KANSL1: variants seen among roughly 807,000 people sequenced by gnomAD.
KANSL1 encodes MLL1/MLL complex subunit KANSL1.
In KANSL1, 22 loss-of-function variants were observed where a neutral mutation model predicts 103.6. The observed-to-expected ratio is 0.21, with a 90% CI of 0.15 to 0.30. KANSL1 has a LOEUF of 0.30. Among genes scored for constraint, KANSL1 ranks in the 10% least tolerant of loss-of-function variants. KANSL1 has a pLI of 1.00. For synonymous variants in KANSL1, 600 were observed against 527.6 expected, an observed-to-expected ratio of 1.14 and a Z score of -1.88; for missense variants, 1,337 against 1,399.8, an observed-to-expected ratio of 0.96 and a Z score of 0.72.
chr17:46,080,706 C>A (rs890289648), intron 4 of KANSL1, among the ~76,000 whole-genome samples: 2 of 151,354 alleles, frequency 1.3e-5, no homozygotes, highest in Admixed American at 1.3e-4. Flanking sequence ...CTGCTCCCCC[C>A]ACCCCACCCC....
At chr17:46,104,142 T>G (rs62061814) in intron 2 of KANSL1, among the ~76,000 whole-genome samples, 21,655 of 152,048 alleles carry the variant, frequency 0.14, 2,114 homozygotes, top group Non-Finnish European at 0.22. Context: ...GATTGAGATA[T>G]GTTTTAAAAT....
intron 6 of KANSL1, among the ~76,000 whole-genome samples, chr17:46,065,194 C>G (rs2078333832): frequency 1.3e-5 from 2 of 151,562 alleles, no homozygotes; most frequent in Admixed American, 6.6e-5. Flanking sequence ...GTCTCAAACT[C>G]CTGAACGCAA....
At chr17:46,140,253 A>C (rs2044353442) in intron 2 of KANSL1, among the ~76,000 whole-genome samples, 1 of 152,234 alleles carries the variant, frequency 6.6e-6, no homozygotes. Context: ...AGCTGCAAAT[A>C]AGTTTCCACA....
Position 46,032,184 on chromosome 17 carries a change from G to T in KANSL1, c.2953C>A (p.His985Asn). 1.2e-6 allele frequency: 2 copies of T among 1,611,300 alleles called. No individual in the cohort carries two copies. Among genetic ancestry groups the T allele is most frequent in the South Asian group, 2.2e-5 (2 of 90,886 alleles). Residue 985 changes from histidine to asparagine, a missense_variant, in exon 14 of 15, where the codon CAT becomes AAT. Transcript: ENST00000432791. ...ATGGGGCTCCTAGGGGACTGACCAT[G>T]GGAGTATTCTGACAAAGAGTGGCTA... ...SSSHSLSEYS[H>N]GQSPRSPISP...
intron 1 of KANSL1, among the ~76,000 whole-genome samples, chr17:46,210,956 G>A (rs1446158554): frequency 6.6e-6 from 1 of 152,122 alleles, no homozygotes. Flanking sequence ...AATTCCAGAA[G>A]GGCACGCTTC....
chr17:46,094,693 C>G lies in KANSL1; in HGVS notation c.1298G>C (p.Arg433Thr). 6.2e-7 allele frequency: 1 copy of G among 1,614,130 alleles called. No homozygotes were observed. The highest frequency in any genetic ancestry group is 8.5e-7 in the Non-Finnish European group (1 of 1,180,038). The change falls in exon 3 of 15, where the codon AGG becomes ACG. Residue 433 changes from arginine to threonine, a missense_variant. Around this residue, in one of 2 missense-constraint regions of KANSL1, gnomAD observed 780 missense variants for 923.4 expected, o/e 0.84. Transcript: ENST00000432791. Reference sequence around the variant, plus strand: ...GTCTGCAGCCCATTTCCATTCTGACCTGCGTCTCCTAAAAGGAAATAAACT... The same window carrying G: ...GTCTGCAGCCCATTTCCATTCTGACGTGCGTCTCCTAAAAGGAAATAAACT... ...PEQRHVPLRR[R>T]SEWKWAADRA...
chr17:46,155,567 G>A (rs891484380), intron 2 of KANSL1, among the ~76,000 whole-genome samples: 2 of 152,176 alleles, frequency 1.3e-5, no homozygotes, highest in Non-Finnish European at 2.9e-5. Flanking sequence ...TGGCATTTAG[G>A]GGGTAGAGGC....
At chr17:46,189,820 T>A (rs1301708749) in intron 1 of KANSL1, among the ~76,000 whole-genome samples, 1 of 149,782 alleles carries the variant, frequency 6.7e-6, no homozygotes, top group Non-Finnish European at 1.5e-5. Context: ...GGCACGAGAA[T>A]CGCTTGAACC....
intron 2 of KANSL1, among the ~76,000 whole-genome samples, chr17:46,165,796 C>A (rs2045966176): frequency 6.6e-6 from 1 of 152,016 alleles, no homozygotes; most frequent in Non-Finnish European, 1.5e-5. Context: ...CAGACATGAG[C>A]CACCAAGCCA....
rs1441796339 is a variant in KANSL1 at position 46,040,143 on chromosome 17, T to C, written c.2021-259A>G. The stretch of plus-strand genomic sequence containing the variant: ...TTTTTGGTTTGGTTGATGGAGTTTT[T>C]GTTCTTGTATCCTTGTTTGTTGAAT... On this transcript the variant is annotated intron_variant, in intron 7 of 14. Coordinates refer to ENST00000432791, the MANE Select transcript of KANSL1 (RefSeq NM_015443.4). 3 of 421,938 alleles carry C rather than the reference T, an allele frequency of 7.1e-6. No homozygotes were observed. In the Admixed American group the frequency reaches 1.2e-4, roughly 17 times the overall value. 26.1% of individuals were successfully genotyped at this position (421,938 alleles called of 1,614,324 possible). A position where few individuals can be genotyped will look rare whatever the true frequency, so the allele number is the denominator to read the frequency against.
Position 46,031,146 on chromosome 17 carries a change from G to C in KANSL1, c.*330C>G. The C allele has an allele frequency of 5.1e-6, 2 of 391,258 alleles. No homozygotes were observed. The highest frequency in any genetic ancestry group is 6.8e-5 in the South Asian group (2 of 29,366). The allele number at this position is 391,258 out of a possible 1,614,324, so 24.2% of individuals were successfully genotyped here. A position where few individuals can be genotyped will look rare whatever the true frequency, so the allele number is the denominator to read the frequency against. On this transcript the variant is annotated 3_prime_UTR_variant, in exon 15 of 15. Coordinates refer to ENST00000432791, the MANE Select transcript of KANSL1 (RefSeq NM_015443.4). Reference sequence around the variant, plus strand: ...GCCAGGCTGTTCTGCCCTGCCCACAGGTGTGAGGGAGGGGGTGGTCATCTA... The same window carrying C: ...GCCAGGCTGTTCTGCCCTGCCCACACGTGTGAGGGAGGGGGTGGTCATCTA...
Position 46,193,405 on chromosome 17 carries a change from C to T in KANSL1, c.-672G>A. ...GGCCGAGCTCCTTTTCCCTCCCCCC[C>T]TTTAATCTGAAGCGGAGGGAGAATG... On this transcript the variant is annotated 5_prime_UTR_variant, in exon 1 of 15. Coordinates refer to ENST00000432791, the MANE Select transcript of KANSL1 (RefSeq NM_015443.4). 1 of 154,690 alleles carries T rather than the reference C, an allele frequency of 6.5e-6. No homozygotes were observed. Among genetic ancestry groups the T allele is most frequent in the Non-Finnish European group, 1.4e-5 (1 of 70,328 alleles). 9.6% of individuals were successfully genotyped at this position (154,690 alleles called of 1,614,324 possible). A position where few individuals can be genotyped will look rare whatever the true frequency, so the allele number is the denominator to read the frequency against.
chr17:46,159,665 T>G (rs1282377620), intron 2 of KANSL1, among the ~76,000 whole-genome samples: 1 of 152,228 alleles, frequency 6.6e-6, no homozygotes, highest in Admixed American at 6.5e-5. Flanking sequence ...AAGCACAAGT[T>G]AAGAATAATG....
chr17:46,157,905 A>G (rs1001977752), intron 2 of KANSL1, among the ~76,000 whole-genome samples: 4 of 152,278 alleles, frequency 2.6e-5, no homozygotes, highest in African/African-American at 9.6e-5. Context: ...TGCTGGAAAA[A>G]TATGCTGGGA....
At chr17:46,160,689 CA>C (rs2045687740) in intron 2 of KANSL1, among the ~76,000 whole-genome samples, 1 of 152,230 alleles carries the variant, frequency 6.6e-6, no homozygotes, top group Admixed American at 6.5e-5. Flanking sequence ...TACATATGGC[CA>C]TTATACCTTT....
chr17:46,159,815 G>A lies in KANSL1; in HGVS notation c.1289+11040C>T, dbSNP rs1247710786. 2.1e-5 allele frequency among the ~76,000 whole-genome samples: 3 copies of A among 143,518 alleles called. No individual in the cohort carries two copies. In the South Asian group the frequency reaches 6.3e-4, roughly 30 times the overall value. The allele number at this position is 143,518 out of a possible 152,430, so 94.2% of individuals were successfully genotyped here. On this transcript the variant is annotated intron_variant, in intron 2 of 14. Transcript: ENST00000432791. ...AAAATGTTTAATTTAGCCATTTGAT[G>A]GGGAAAAACCTTTAATAGTTCACTT...
At chr17:46,040,330 A>G (rs1403518310) in intron 7 of KANSL1, 2 of 156,752 alleles carry the variant, frequency 1.3e-5, no homozygotes, top group Non-Finnish European at 2.8e-5. Context: ...CTCTCTCCAA[A>G]TAAGAACTAC....
intron 1 of KANSL1, among the ~76,000 whole-genome samples, chr17:46,190,246 A>G (rs1022310381): frequency 6.6e-6 from 1 of 152,220 alleles, no homozygotes; most frequent in African/African-American, 2.4e-5. Flanking sequence ...TCTCACCTTG[A>G]TATGAGTTCA....
chr17:46,166,224 A>AAAAAAAAAAG (rs2045992201), intron 2 of KANSL1, among the ~76,000 whole-genome samples: 1 of 151,236 alleles, frequency 6.6e-6, no homozygotes, highest in Non-Finnish European at 1.5e-5. Flanking sequence ...AAAAAAAAAA[A>AAAAAAAAAAG]AAAAGGGCTG....
Sources: allele counts gnomAD v4.1 joint callset (sites outside exome capture counted in the v4.1 genomes callset), GRCh38; gene constraint gnomAD v4.1.1; regional missense constraint gnomAD v4.1.1; transcripts MANE v1.5; gene names NCBI Gene and HGNC (gene_info 2026-07-23, HGNC 2026-07-21).